JADE1: variants seen among roughly 807,000 people sequenced by gnomAD.
JADE1 encodes jade family PHD finger 1, also known as protein Jade-1.
A neutral mutation model predicts 81.8 loss-of-function variants in JADE1; 14 were observed. That is an observed-to-expected ratio of 0.17 (90% CI 0.11 to 0.27). The LOEUF (loss-of-function observed/expected upper bound fraction) is 0.27. Among genes scored for constraint, JADE1 ranks in the 10% least tolerant of loss-of-function variants. The pLI, the probability that JADE1 is intolerant of heterozygous loss-of-function variation, is 1.00. For synonymous variants in JADE1, 353 were observed against 391.9 expected (o/e 0.90, Z 1.17); for missense variants, 690 against 1,047.9 (o/e 0.66, Z 4.71).
chr4:128,837,340 A>G (rs1439212803), intron 2 of JADE1, among the ~76,000 whole-genome samples: 1 of 152,334 alleles, frequency 6.6e-6, no homozygotes, highest in Non-Finnish European at 1.5e-5. Context: ...GGTGAGTGTC[A>G]AATGTTTGTG....
intron 8 of JADE1, among the ~76,000 whole-genome samples, chr4:128,858,669 C>T (rs573792420): frequency 6.7e-6 from 1 of 149,984 alleles, no homozygotes; most frequent in South Asian, 2.1e-4. Flanking sequence ...GTGGCATCAT[C>T]TCGGCTCACT....
chr4:128,817,009 C>T (rs1727099666), intron 1 of JADE1, among the ~76,000 whole-genome samples: 2 of 151,716 alleles, frequency 1.3e-5, no homozygotes, highest in Admixed American at 1.3e-4. Context: ...CAGGCGCATG[C>T]CGCCGTGTCT....
chr4:128,858,976 G>A (rs1579218773), intron 8 of JADE1, among the ~76,000 whole-genome samples: 1 of 152,154 alleles, frequency 6.6e-6, no homozygotes, highest in South Asian at 2.1e-4. Context: ...TAGTGTTCAA[G>A]AATCCAAAAT....
intron 1 of JADE1, among the ~76,000 whole-genome samples, chr4:128,818,005 C>A (rs1419342632): frequency 6.6e-6 from 1 of 152,168 alleles, no homozygotes; most frequent in Non-Finnish European, 1.5e-5. Context: ...TACACTGGCT[C>A]CAAGTAGGAG....
intron 1 of JADE1, among the ~76,000 whole-genome samples, chr4:128,825,292 G>A (rs1560731738): frequency 6.6e-6 from 1 of 152,080 alleles, no homozygotes; most frequent in Non-Finnish European, 1.5e-5. Context: ...TGCCTGCCTC[G>A]GCCTCCCCAA....
At chr4:128,862,893 G>A in intron 9 of JADE1, 2 of 953,714 alleles carry the variant, frequency 2.1e-6, no homozygotes, top group Non-Finnish European at 2.4e-6. Context: ...CATCACTGAG[G>A]CTGTGTGTGT....
intron 9 of JADE1, chr4:128,864,381 A>G: frequency 1.1e-6 from 1 of 904,008 alleles, no homozygotes; most frequent in Non-Finnish European, 1.3e-6. Flanking sequence ...CCTGACCTCA[A>G]GTGATCTACC....
At chr4:128,858,854 C>T (rs1280240114) in intron 8 of JADE1, among the ~76,000 whole-genome samples, 1 of 152,132 alleles carries the variant, frequency 6.6e-6, no homozygotes, top group Non-Finnish European at 1.5e-5. Flanking sequence ...GTGATCCACC[C>T]ACCTCGGCCT....
chr4:128,844,824 G>T (rs182434118), intron 3 of JADE1, among the ~76,000 whole-genome samples: 2 of 152,184 alleles, frequency 1.3e-5, no homozygotes, highest in Admixed American at 6.5e-5. Flanking sequence ...TATGGAAAAT[G>T]ACAGGCAGGA....
intron 1 of JADE1, among the ~76,000 whole-genome samples, chr4:128,819,389 G>A (rs945526000): frequency 6.6e-6 from 1 of 152,156 alleles, no homozygotes; most frequent in African/African-American, 2.4e-5. Flanking sequence ...AGCTTCTGGA[G>A]TAGCTGGGAT....
At chr4:128,810,154 C>T (rs1245667885) in intron 1 of JADE1, 6 of 152,258 alleles carry the variant, frequency 3.9e-5, no homozygotes. Context: ...GGTTCTCGAT[C>T]TGTAGCGAGG....
chr4:128,831,868 T>C lies in JADE1; in HGVS notation c.52+58T>C, dbSNP rs1728588224. On this transcript the variant is annotated intron_variant, in intron 2 of 10. Coordinates refer to ENST00000226319, the MANE Select transcript of JADE1 (RefSeq NM_199320.4). ...CAGGGTTTGGGTCGGGGTAAAAACA[T>C]GATTTTTTAATGTAATGCTTTAAAT... 3 of 1,473,460 alleles carry C rather than the reference T, an allele frequency of 2.0e-6. No homozygotes were observed. The Admixed American group carries it at 5.1e-5, about 25-fold the overall frequency. The allele number at this position is 1,473,460 out of a possible 1,614,324, so 91.3% of individuals were successfully genotyped here. A position where few individuals can be genotyped will look rare whatever the true frequency, so the allele number is the denominator to read the frequency against.
chr4:128,868,471 A>T (rs764914952), intron 10 of JADE1, among the ~76,000 whole-genome samples: 3 of 152,208 alleles, frequency 2.0e-5, no homozygotes, highest in Non-Finnish European at 4.4e-5. Context: ...TTTTTTGTGT[A>T]GATGGATTGT....
chr4:128,822,478 C>T (rs868494036), intron 1 of JADE1, among the ~76,000 whole-genome samples: 2 of 151,644 alleles, frequency 1.3e-5, no homozygotes, highest in East Asian at 1.9e-4. Flanking sequence ...TTTGGGAGGC[C>T]GAGGCGGGTG....
chr4:128,837,943 C>T (rs1729115135), intron 2 of JADE1, among the ~76,000 whole-genome samples: 2 of 152,180 alleles, frequency 1.3e-5, no homozygotes, highest in Non-Finnish European at 2.9e-5. Flanking sequence ...CATGGCACAA[C>T]ATGAGAAGCT....
In JADE1 at chr4:128,852,155, G is replaced by A; in HGVS notation, c.583G>A (p.Gly195Ser). 1.2e-6 allele frequency: 2 copies of A among 1,614,150 alleles called. No homozygotes were observed. The highest frequency in any genetic ancestry group is 1.7e-6 in the Non-Finnish European group (2 of 1,179,982). Residue 195 changes from glycine to serine, a missense_variant, in exon 6 of 11, where the codon GGC becomes AGC. Transcript: ENST00000226319. ...GAATCATGCCATAGAGACTGAGGAA[G>A]GCCTGGGGATCGAATATGATGAAGA... ...NMNHAIETEE[G>S]LGIEYDEDVV...
At chr4:128,824,665 A>G (rs1727886096) in intron 1 of JADE1, among the ~76,000 whole-genome samples, 1 of 152,240 alleles carries the variant, frequency 6.6e-6, no homozygotes, top group Non-Finnish European at 1.5e-5. Context: ...AGGTAACAGT[A>G]CGGGAACTAA....
Position 128,873,273 on chromosome 4 carries a change from G to GAAAAAAAGAAAAAAAAAAAAAAA in JADE1, c.*1029_*1030insAAAAAAAAAAAAGAAAAAAAAAA, listed in dbSNP as rs1732335654. ...AGAAAAAGGAAAAAAAAAAAAAAAA[G>GAAAAAAAGAAAAAAAAAAAAAAA]AAAAAAAGAAAAAAAAAAGAAAAAA... On this transcript the variant is annotated 3_prime_UTR_variant, in exon 11 of 11. Coordinates refer to ENST00000226319, the MANE Select transcript of JADE1 (RefSeq NM_199320.4). 5.1e-5 allele frequency: 4 copies of GAAAAAAAGAAAAAAAAAAAAAAA among 78,654 alleles called. No individual in the cohort carries two copies. The highest frequency in any genetic ancestry group is 3.2e-4 in the East Asian group (1 of 3,098). 4.9% of individuals were successfully genotyped at this position (78,654 alleles called of 1,614,324 possible). A position where few individuals can be genotyped will look rare whatever the true frequency, so the allele number is the denominator to read the frequency against.
intron 2 of JADE1, among the ~76,000 whole-genome samples, chr4:128,839,247 T>A (rs533329806): frequency 1.3e-5 from 2 of 152,300 alleles, no homozygotes; most frequent in South Asian, 4.1e-4. Flanking sequence ...AAGGAATAGA[T>A]CACCAGCAAA....
Sources: allele counts gnomAD v4.1 joint callset (sites outside exome capture counted in the v4.1 genomes callset), GRCh38; gene constraint gnomAD v4.1.1; transcripts MANE v1.5; gene names NCBI Gene and HGNC (gene_info 2026-07-23, HGNC 2026-07-21).